DTNA: variants seen among roughly 807,000 people sequenced by gnomAD.
DTNA encodes the protein dystrobrevin alpha, also known as dystrophin-related protein 3.
Under a neutral mutation model 100.7 loss-of-function variants are expected in DTNA, and 43 were observed. The ratio of observed to expected loss-of-function variants is 0.43; its 90% CI spans 0.33 to 0.55. The LOEUF (loss-of-function observed/expected upper bound fraction) is 0.55, where lower values mean the gene tolerates loss of function less well. DTNA is among the 20% of genes least tolerant of loss of function. The probability of loss-of-function intolerance (pLI) is 0.04; values close to 1 mark genes in which losing one functional copy is unlikely to be tolerated. For missense variants in DTNA, 798 were observed against 953.9 expected (o/e 0.84, Z 2.15); for synonymous variants, 349 against 347.9 (o/e 1.00, Z -0.04).
At chr18:34,741,005 T>C (rs2090548197) in intron 1 of DTNA, among the ~76,000 whole-genome samples, 3 of 152,142 alleles carry the variant, frequency 2.0e-5, no homozygotes, top group African/African-American at 7.2e-5. Flanking sequence ...TTTGTTCCAT[T>C]TACAAACTCT....
chr18:34,653,716 G>A (rs1479057799), intron 1 of DTNA, among the ~76,000 whole-genome samples: 1 of 152,084 alleles, frequency 6.6e-6, no homozygotes, highest in Non-Finnish European at 1.5e-5. Context: ...CCAGCTACTT[G>A]GAGGCTGAGG....
chr18:34,700,583 G>C (rs1163137113), intron 1 of DTNA, among the ~76,000 whole-genome samples: 1 of 152,148 alleles, frequency 6.6e-6, no homozygotes, highest in African/African-American at 2.4e-5. Flanking sequence ...AGGCATTAGT[G>C]AACTCACTCA....
At chr18:34,761,516 G>A (rs2093169141) in intron 2 of DTNA, among the ~76,000 whole-genome samples, 1 of 152,094 alleles carries the variant, frequency 6.6e-6, no homozygotes, top group African/African-American at 2.4e-5. Context: ...GGGAGAGAGA[G>A]GGAAGTAGGG....
At chr18:34,858,428 G>A in intron 16 of DTNA, 30 bp downstream of exon 16, 2 of 1,602,422 alleles carry the variant, frequency 1.2e-6, no homozygotes, top group South Asian at 1.1e-5. Flanking sequence ...TCATCTCAGG[G>A]AATATATATG....
At chr18:34,699,788 C>A (rs559463734) in intron 1 of DTNA, among the ~76,000 whole-genome samples, 2 of 152,200 alleles carry the variant, frequency 1.3e-5, no homozygotes, top group Admixed American at 1.3e-4. Flanking sequence ...CTATATATTT[C>A]TTTTTGGTGA....
chr18:34,873,804 A>G (rs1215504806), intron 17 of DTNA, among the ~76,000 whole-genome samples: 1 of 152,150 alleles, frequency 6.6e-6, no homozygotes, highest in African/African-American at 2.4e-5. Flanking sequence ...TTTCAAGGTA[A>G]TGGGGCTGAG....
chr18:34,673,306 A>G (rs1317327195), intron 1 of DTNA, among the ~76,000 whole-genome samples: 1 of 152,044 alleles, frequency 6.6e-6, no homozygotes, highest in Non-Finnish European at 1.5e-5. Flanking sequence ...AATTTCTGAG[A>G]TACTTACGTA....
intron 1 of DTNA, among the ~76,000 whole-genome samples, chr18:34,695,086 T>G (rs1455830880): frequency 6.6e-6 from 1 of 152,180 alleles, no homozygotes; most frequent in Non-Finnish European, 1.5e-5. Context: ...ATGGTAAAAT[T>G]ACTGTACTAT....
chr18:34,523,870 T>C (rs1198881153), intron 1 of DTNA, among the ~76,000 whole-genome samples: 1 of 152,208 alleles, frequency 6.6e-6, no homozygotes, highest in Non-Finnish European at 1.5e-5. Flanking sequence ...TTGATTTTGC[T>C]AATTAAATCT....
chr18:34,803,484 A>G (rs2095278686), intron 4 of DTNA, among the ~76,000 whole-genome samples: 1 of 152,068 alleles, frequency 6.6e-6, no homozygotes, highest in South Asian at 2.1e-4. Context: ...TTCCAAAATC[A>G]TTGGTGGTCA....
At chr18:34,495,877 A>G (rs755521353) in intron 1 of DTNA, among the ~76,000 whole-genome samples, 2 of 152,164 alleles carry the variant, frequency 1.3e-5, no homozygotes, top group Non-Finnish European at 2.9e-5. Context: ...TATTTAGAGA[A>G]TTACTCTTCA....
At chr18:34,701,567 C>G (rs2081374926) in intron 1 of DTNA, among the ~76,000 whole-genome samples, 1 of 152,122 alleles carries the variant, frequency 6.6e-6, no homozygotes, top group Non-Finnish European at 1.5e-5. Flanking sequence ...GTATCTGCAT[C>G]CAAGCCCTAT....
chr18:34,869,709 G>A (rs1345946466), intron 17 of DTNA, among the ~76,000 whole-genome samples: 4 of 108,430 alleles, frequency 3.7e-5, no homozygotes, highest in Non-Finnish European at 7.7e-5. Flanking sequence ...GATTAGTACA[G>A]GGTGCATATT....
intron 1 of DTNA, among the ~76,000 whole-genome samples, chr18:34,500,829 A>G (rs543483490): frequency 4.3e-4 from 66 of 152,256 alleles, no homozygotes; most frequent in African/African-American, 1.3e-3. Flanking sequence ...ATGTTTCTAT[A>G]TATGTATTCA....
chr18:34,825,342 G>T, intron 9 of DTNA: 2 of 1,598,860 alleles, frequency 1.3e-6, no homozygotes, highest in South Asian at 2.2e-5. Context: ...GTGGGGATGA[G>T]ACACAAAACA....
chr18:34,829,046 A>G, intron 10 of DTNA: 1 of 1,614,126 alleles, frequency 6.2e-7, no homozygotes, highest in African/African-American at 1.3e-5. Flanking sequence ...TTCAGCTCGG[A>G]CGGTGCTTTT....
intron 2 of DTNA, among the ~76,000 whole-genome samples, chr18:34,759,019 G>GA (rs2092966179): frequency 1.3e-5 from 2 of 152,044 alleles, no homozygotes; most frequent in Admixed American, 6.5e-5. Context: ...AAAACAAACA[G>GA]AAAAAAATAG....
chr18:34,702,064 AGTCCTGGTCCCTG>A (rs550414546), intron 1 of DTNA, among the ~76,000 whole-genome samples: 3,697 of 152,304 alleles, frequency 0.024, 173 homozygotes, highest in African/African-American at 0.085. Context: ...TGGGCTTCAA[AGTCCTGGTCCCTG>A]TGTGACCCTG....
chr18:34,744,789 A>G (rs2091295037), intron 1 of DTNA, among the ~76,000 whole-genome samples: 1 of 152,128 alleles, frequency 6.6e-6, no homozygotes. Flanking sequence ...GCTTTAGCCT[A>G]TGTCCGTGTG....
Sources: gnomAD v4.1 joint callset for allele counts (sites outside exome capture counted in the v4.1 genomes callset) on GRCh38, gnomAD v4.1.1 for gene constraint, MANE v1.5 for transcripts, NCBI Gene and HGNC (gene_info 2026-07-23, HGNC 2026-07-21) for gene names.